PHGDH: variants seen among roughly 807,000 people sequenced by gnomAD.
The protein encoded by PHGDH is phosphoglycerate dehydrogenase, also known as D-3-phosphoglycerate dehydrogenase.
Under a neutral mutation model 52.6 loss-of-function variants are expected in PHGDH, and 50 were observed. The observed-to-expected ratio is 0.95, with a 90% CI of 0.76 to 1.20. The LOEUF is 1.20. Among genes scored for constraint, PHGDH ranks in the 50% most tolerant of loss-of-function variants. The probability of loss-of-function intolerance (pLI) is 0.00; values close to 1 mark genes in which losing one functional copy is unlikely to be tolerated. For synonymous variants in PHGDH, 271 were observed against 280.5 expected, an observed-to-expected ratio of 0.97 and a Z score of 0.34; for missense variants, 630 against 684.6, an observed-to-expected ratio of 0.92 and a Z score of 0.89.
chr1:119,729,601 C>G (rs1386875139), intron 5 of PHGDH: 1 of 152,182 alleles, frequency 6.6e-6, no homozygotes, highest in Non-Finnish European at 1.5e-5. Context: ...AGATGAAAAG[C>G]CCCACCTCAT....
chr1:119,735,018 C>T (rs941973461), intron 6 of PHGDH: 1 of 620,680 alleles, frequency 1.6e-6, no homozygotes, highest in Admixed American at 2.8e-5. Flanking sequence ...CTTTCTGCAG[C>T]CCCTGCAGGG....
At chr1:119,716,370 G>A (rs1036152971) in intron 1 of PHGDH, among the ~76,000 whole-genome samples, 1 of 152,168 alleles carries the variant, frequency 6.6e-6, no homozygotes, top group Non-Finnish European at 1.5e-5. Flanking sequence ...CATCCAGAGA[G>A]TCCATGCTCA....
chr1:119,715,811 A>G (rs1650906310), intron 1 of PHGDH: 1 of 152,278 alleles, frequency 6.6e-6, no homozygotes, highest in African/African-American at 2.4e-5. Flanking sequence ...TGAACATCAG[A>G]ATTTGGTGCT....
chr1:119,721,694 C>T (rs1387677942), intron 2 of PHGDH: 2 of 229,800 alleles, frequency 8.7e-6, no homozygotes, highest in African/African-American at 2.2e-5. Context: ...CCACCCAGCC[C>T]CCTCTGCCTC....
chr1:119,726,725 C>T (rs1396848684), intron 3 of PHGDH, 126 bp from the exon 4 acceptor site: 2 of 777,646 alleles, frequency 2.6e-6, no homozygotes, highest in Admixed American at 1.9e-5. Flanking sequence ...TAAACCTGAA[C>T]CCCCAGACCC....
chr1:119,726,431 A>G (rs1035985104), intron 3 of PHGDH, among the ~76,000 whole-genome samples: 3 of 152,130 alleles, frequency 2.0e-5, no homozygotes, highest in African/African-American at 7.2e-5. Context: ...GTCATAGGTT[A>G]TGGTGCTGGA....
chr1:119,734,715 C>A lies in PHGDH; in HGVS notation c.592C>A (p.Pro198Thr). 6.2e-7 allele frequency: 1 copy of A among 1,614,052 alleles called. No individual in the cohort carries two copies. The highest frequency in any genetic ancestry group is 2.2e-5 in the East Asian group (1 of 44,880). The change falls in exon 6 of 12, where the codon CCT becomes ACT. Residue 198 changes from proline to threonine, a missense_variant. Pro to Thr is a conservative substitution (Grantham distance 38). Transcript: ENST00000641023. ...GCAGCTGCCCCTGGAGGAGATCTGG[C>A]CTCTCTGTGATTTCATCACTGTGCA... The part of the protein sequence containing the change: ...VQQLPLEEIW[P>T]LCDFITVHTP...
rs370257479 is a variant in PHGDH at position 119,721,343 on chromosome 1, C to T, written c.290+22C>T. ...TGAAGTAAGTCATGGAGGCTGCGGG[C>T]GGTTTGGGGGTAGGGGGGTGAGTGC... is the stretch of plus-strand genomic sequence containing the variant. On this transcript the variant is annotated intron_variant, in intron 2 of 11. Coordinates refer to ENST00000641023, the MANE Select transcript of PHGDH (RefSeq NM_006623.4). The T allele has an allele frequency of 1.0e-4, 166 of 1,609,934 alleles. No homozygotes were observed. The African/African-American group carries it at 1.2e-3, about 12-fold the overall frequency.
At chr1:119,739,132 C>T (rs147728197) in intron 8 of PHGDH, among the ~76,000 whole-genome samples, 80 of 152,338 alleles carry the variant, frequency 5.3e-4, no homozygotes, top group African/African-American at 1.8e-3. Context: ...AAGTGCCTGA[C>T]TCCTCCCTGG....
intron 5 of PHGDH, among the ~76,000 whole-genome samples, chr1:119,733,484 C>T (rs1266575208): frequency 6.8e-6 from 1 of 146,890 alleles, no homozygotes; most frequent in Non-Finnish European, 1.5e-5. Context: ...CAGGTGCATG[C>T]CACCAAACTT....
chr1:119,742,198 C>T (rs1652240032), intron 10 of PHGDH: 2 of 445,828 alleles, frequency 4.5e-6, no homozygotes. Context: ...GACATGGCTG[C>T]CAGGCCATGT....
At chr1:119,724,897 C>T (rs1401247027) in intron 3 of PHGDH, 2 of 456,532 alleles carry the variant, frequency 4.4e-6, no homozygotes, top group Admixed American at 2.4e-5. Context: ...CTAGGAAACA[C>T]GCACACCCTA....
chr1:119,727,032 C>T lies in PHGDH; in HGVS notation c.440C>T (p.Thr147Ile), dbSNP rs1651458185. The T allele has an allele frequency of 6.2e-7, 1 of 1,613,692 alleles. No homozygotes were observed. Among genetic ancestry groups the T allele is most frequent in the Non-Finnish European group, 8.5e-7 (1 of 1,179,566 alleles). Residue 147 changes from threonine to isoleucine, a missense_variant, in exon 5 of 12, where the codon ACC becomes ATC. Transcript: ENST00000641023. ...ATGGGAACAGAGCTGAATGGAAAGA[C>T]CCTGGGAATTCTTGGCCTGGGCAGG... is the stretch of plus-strand genomic sequence containing the variant. Reference protein sequence around the residue: ...KFMGTELNGKTLGILGLGRIG... With the variant: ...KFMGTELNGKILGILGLGRIG...
intron 3 of PHGDH, chr1:119,724,729 T>C (rs1431913951): frequency 8.8e-6 from 4 of 454,608 alleles, no homozygotes; most frequent in African/African-American, 2.0e-5. Context: ...CTCACTTTTT[T>C]TCTGGAGGTG....
chr1:119,736,016 T>C (rs996083135), intron 7 of PHGDH, among the ~76,000 whole-genome samples: 3 of 152,150 alleles, frequency 2.0e-5, no homozygotes, highest in African/African-American at 7.2e-5. Context: ...ACTCGAATCC[T>C]TTTGGCTCCT....
At chr1:119,743,152 T>C in intron 11 of PHGDH, 108 bp downstream of exon 11, 1 of 804,240 alleles carries the variant, frequency 1.2e-6, no homozygotes, top group Non-Finnish European at 2.3e-6. Flanking sequence ...TGTCCCAGGG[T>C]GTCTCTGGAT....
intron 5 of PHGDH, among the ~76,000 whole-genome samples, chr1:119,732,566 C>A (rs587641007): frequency 1.3e-5 from 2 of 152,204 alleles, no homozygotes; most frequent in Non-Finnish European, 2.9e-5. Flanking sequence ...GGAACCCCAA[C>A]CCCCAGCTGA....
At position 119,736,257 on chromosome 1, in the gene PHGDH, C is replaced by T. The variant is rs150357345; in HGVS notation, c.792+814C>T. ...TCTTTCTCAGCTCTTAGATCATAAG[C>T]TCCCTGAAGGCAGGGCAAGCCTTGT... On this transcript the variant is annotated intron_variant, in intron 7 of 11. Coordinates refer to ENST00000641023, the MANE Select transcript of PHGDH (RefSeq NM_006623.4). Among the ~76,000 whole-genome samples the T allele has an allele frequency of 9.0e-3, 1,368 of 152,318 alleles. 24 individuals carry two copies. Among genetic ancestry groups the T allele is most frequent in the African/African-American group, 0.031 (1,286 of 41,552 alleles).
At position 119,742,967 on chromosome 1, in the gene PHGDH, T is replaced by C; in HGVS notation, c.1370T>C (p.Val457Ala). ...AATGGAGCTGTCTTCAGGCCAGAAG[T>C]GCCTCTCCGCAGGGACCTGCCCCTG... ...GLNGAVFRPE[V>A]PLRRDLPLLL... The change falls in exon 11 of 12, where the codon GTG becomes GCG. Residue 457 changes from valine (V) to alanine (A), a missense_variant. Coordinates refer to ENST00000641023, the MANE Select transcript of PHGDH (RefSeq NM_006623.4). 6.2e-7 allele frequency: 1 copy of C among 1,614,138 alleles called. No homozygotes were observed. The highest frequency in any genetic ancestry group is 1.7e-5 in the Admixed American group (1 of 60,034).
Sources: allele counts gnomAD v4.1 joint callset (sites outside exome capture counted in the v4.1 genomes callset), GRCh38; gene constraint gnomAD v4.1.1; transcripts MANE v1.5; gene names NCBI Gene and HGNC (gene_info 2026-07-23, HGNC 2026-07-21).